Variants in AKAP13 observed in about 807,000 individuals in gnomAD.
The protein encoded by AKAP13 is A-kinase anchor protein 13.
A neutral mutation model predicts 264.5 loss-of-function variants in AKAP13; 80 were observed. The ratio of observed to expected loss-of-function variants is 0.30; its 90% CI spans 0.25 to 0.36. The LOEUF is 0.36. Ranked by LOEUF, AKAP13 falls within the 10% of genes least tolerant of loss-of-function variation. The pLI is 1.00. For synonymous variants in AKAP13, 1,380 were observed against 1,250.2 expected (o/e 1.10, Z -2.19); for missense variants, 3,712 against 3,435.2 (o/e 1.08, Z -2.01).
chr15:85,417,004 A>G (rs1426850607), intron 1 of AKAP13, among the ~76,000 whole-genome samples: 2 of 152,160 alleles, frequency 1.3e-5, no homozygotes, highest in Non-Finnish European at 2.9e-5. Flanking sequence ...GAAATACGGG[A>G]TTTTTATTCA....
intron 5 of AKAP13, among the ~76,000 whole-genome samples, chr15:85,556,513 T>A (rs769071914): frequency 6.6e-6 from 1 of 152,228 alleles, no homozygotes; most frequent in Non-Finnish European, 1.5e-5. Flanking sequence ...ATCCTTCTTT[T>A]GTTTTGTCAT....
At chr15:85,523,344 GT>G (rs1379855303) in intron 3 of AKAP13, among the ~76,000 whole-genome samples, 1 of 152,076 alleles carries the variant, frequency 6.6e-6, no homozygotes, top group Non-Finnish European at 1.5e-5. Context: ...TGCATTTCTT[GT>G]TTATAACATG....
At chr15:85,606,948 C>A (rs1055316886) in intron 8 of AKAP13, among the ~76,000 whole-genome samples, 1 of 152,050 alleles carries the variant, frequency 6.6e-6, no homozygotes, top group African/African-American at 2.4e-5. Flanking sequence ...GGGATTGTTT[C>A]GGGGACATTT....
chr15:85,553,319 C>T (rs909829047), intron 5 of AKAP13, among the ~76,000 whole-genome samples: 3 of 152,070 alleles, frequency 2.0e-5, no homozygotes, highest in African/African-American at 7.2e-5. Context: ...AACTCCTGAC[C>T]TCAGGTGATC....
rs1478190494 is a variant in AKAP13, at chr15:85,669,736, T to A, written c.5007T>A (p.Ser1669=). Residue 1669 remains serine (S), a synonymous_variant, in exon 14 of 37, where the codon TCT becomes TCA. Transcript: ENST00000394518. ...RMFDQQICHR[S]KQQGFNYCTS... ...TTACTTCACAGATATGTCACAGATC[T>A]AAGCAGCAGGGATTTAATTACTGTA... The A allele has an allele frequency of 6.2e-6, 10 of 1,611,896 alleles. No homozygotes were observed. The highest frequency in any genetic ancestry group is 7.6e-6 in the Non-Finnish European group (9 of 1,178,060).
In AKAP13 at chr15:85,746,275, A is replaced by G. The variant is rs935955796; in HGVS notation, c.*1598A>G. Reference sequence around the variant, plus strand: ...AGGTCTGGTTTAAAATTTGTAGCCTACATTTGTTTTATTTATTGTATTTGT... The same window carrying G: ...AGGTCTGGTTTAAAATTTGTAGCCTGCATTTGTTTTATTTATTGTATTTGT... On this transcript the variant is annotated 3_prime_UTR_variant, in exon 37 of 37. Transcript: ENST00000394518. 14 of 152,524 alleles carry G rather than the reference A, an allele frequency of 9.2e-5. No homozygotes were observed. Among genetic ancestry groups the G allele is most frequent in the African/African-American group, 2.9e-4 (12 of 41,438 alleles). 9.4% of individuals were successfully genotyped at this position (152,524 alleles called of 1,614,324 possible).
At chr15:85,588,202 A>T (rs978894296) in intron 8 of AKAP13, among the ~76,000 whole-genome samples, 1 of 152,186 alleles carries the variant, frequency 6.6e-6, no homozygotes, top group Non-Finnish European at 1.5e-5. Context: ...TTGTTTCAAG[A>T]GTATGAACAG....
chr15:85,506,285 A>G (rs150527272), intron 2 of AKAP13, among the ~76,000 whole-genome samples: 4 of 152,312 alleles, frequency 2.6e-5, no homozygotes, highest in African/African-American at 7.2e-5. Context: ...CTCCATCTCA[A>G]AAACAACAAA....
intron 8 of AKAP13, chr15:85,621,142 TTATTACTTGGG>T (rs1373431450): frequency 2.0e-5 from 3 of 152,218 alleles, no homozygotes; most frequent in Non-Finnish European, 4.4e-5. Context: ...TCAATTCAGT[TTATTACTTGGG>T]TCTTTTCGAT....
Position 85,718,035 on chromosome 15 carries a change from A to G in AKAP13, c.5877A>G (p.Gln1959=), listed in dbSNP as rs115737920. The G allele has an allele frequency of 2.1e-5, 34 of 1,614,148 alleles. No individual in the cohort carries two copies. Among genetic ancestry groups the G allele is most frequent in the Admixed American group, 5.0e-5 (3 of 60,024 alleles). ...TAGGTACAGACATGAATGAAGGACA[A>G]CTACTGGGAGACTTTGAGATTGAGT... The part of the protein sequence containing the change: ...EGVGTDMNEG[Q]LLGDFEIESK... Residue 1959 remains glutamine (Q), a synonymous_variant, in exon 22 of 37, where the codon CAA becomes CAG. Transcript: ENST00000394518. This position sits in a 1 kb window ranked among gnomAD's most constrained non-coding sequence, Gnocchi z 4.9.
chr15:85,422,068 C>CT (rs1457476543), intron 1 of AKAP13, among the ~76,000 whole-genome samples: 3 of 152,140 alleles, frequency 2.0e-5, no homozygotes, highest in African/African-American at 7.2e-5. Context: ...ATGGTGGGCT[C>CT]TATCATGATC....
intron 12 of AKAP13, among the ~76,000 whole-genome samples, chr15:85,660,352 C>CAAAAA (rs35636118): frequency 4.4e-5 from 3 of 68,542 alleles, no homozygotes; most frequent in Non-Finnish European, 5.3e-5. Flanking sequence ...ATCTAAGTCT[C>CAAAAA]AAAAAAAAAA....
At position 85,708,248 on chromosome 15, in the gene AKAP13, G is replaced by A. The variant is rs1263298917; in HGVS notation, c.5532+162G>A. ...AACTAAAAAATATTTTTTCTCTTAA[G>A]CGATCAATCTTCTTCTTGAGTAACA... On this transcript the variant is annotated intron_variant, in intron 18 of 36. Transcript: ENST00000394518. The surrounding 1 kb of genome is among the most constrained non-coding windows in gnomAD (Gnocchi z 4.3). Among the ~76,000 whole-genome samples the A allele has an allele frequency of 1.3e-5, 2 of 152,174 alleles. No individual in the cohort carries two copies. Among genetic ancestry groups the A allele is most frequent in the East Asian group, 3.8e-4 (2 of 5,202 alleles).
At chr15:85,738,293 G>T (rs1053507565) in intron 33 of AKAP13, among the ~76,000 whole-genome samples, 1 of 151,892 alleles carries the variant, frequency 6.6e-6, no homozygotes, top group Non-Finnish European at 1.5e-5. Flanking sequence ...TCAGGAGGCT[G>T]AGGCAGGAGA....
intron 1 of AKAP13, among the ~76,000 whole-genome samples, chr15:85,483,651 A>AAAAAAAAAAC (rs2075426872): frequency 6.9e-6 from 1 of 143,936 alleles, no homozygotes; most frequent in Non-Finnish European, 1.6e-5. Context: ...AAAAAAAAAA[A>AAAAAAAAAAC]CACCAAAAAA....
intron 8 of AKAP13, among the ~76,000 whole-genome samples, chr15:85,633,352 A>G (rs1056075654): frequency 2.2e-5 from 3 of 137,290 alleles, no homozygotes; most frequent in African/African-American, 8.2e-5. Context: ...TCTTCTTATT[A>G]CAGGAATAAT....
At chr15:85,510,451 T>G (rs1247635313) in intron 2 of AKAP13, among the ~76,000 whole-genome samples, 2 of 152,176 alleles carry the variant, frequency 1.3e-5, no homozygotes, top group Non-Finnish European at 2.9e-5. Flanking sequence ...ATTATTGAAG[T>G]AATAATAAAA....
chr15:85,541,227 T>G (rs557496967), intron 4 of AKAP13, among the ~76,000 whole-genome samples: 1 of 152,372 alleles, frequency 6.6e-6, no homozygotes, highest in South Asian at 2.1e-4. Flanking sequence ...TAGTTAATTA[T>G]ATGCATGCTG....
chr15:85,510,964 C>G (rs1030511628), intron 2 of AKAP13, among the ~76,000 whole-genome samples: 1 of 151,992 alleles, frequency 6.6e-6, no homozygotes, highest in East Asian at 1.9e-4. Context: ...TTGGGTTCCT[C>G]TTGGGTCCAT....
Sources: allele counts gnomAD v4.1 joint callset (sites outside exome capture counted in the v4.1 genomes callset), GRCh38; gene constraint gnomAD v4.1.1; non-coding constraint Gnocchi (gnomAD v3.1); transcripts MANE v1.5; gene names NCBI Gene and HGNC (gene_info 2026-07-23, HGNC 2026-07-21).